RORB: variants seen among roughly 807,000 people sequenced by gnomAD.
RORB encodes RAR related orphan receptor B.
Under a neutral mutation model 59.1 loss-of-function variants are expected in RORB, and 6 were observed. The ratio of observed to expected loss-of-function variants is 0.10; its 90% confidence interval spans 0.06 to 0.20. RORB has a LOEUF of 0.20. Ranked by LOEUF, RORB falls within the 10% of genes least tolerant of loss-of-function variation. The probability of loss-of-function intolerance (pLI) is 1.00; values close to 1 mark genes in which losing one functional copy is unlikely to be tolerated. For synonymous variants in RORB, 215 were observed against 204.5 expected, an observed-to-expected ratio of 1.05 and a Z score of -0.44; for missense variants, 320 against 560.5, an observed-to-expected ratio of 0.57 and a Z score of 4.33.
intron 1 of RORB, among the ~76,000 whole-genome samples, chr9:74,589,969 C>T (rs1278864986): frequency 6.6e-6 from 1 of 152,186 alleles, no homozygotes; most frequent in African/African-American, 2.4e-5. Flanking sequence ...AATCAAATTC[C>T]ACCTCCTCCA....
At chr9:74,642,265 A>G (rs1823820400) in intron 3 of RORB, 149 bp from the exon 4 acceptor site, 1 of 720,432 alleles carries the variant, frequency 1.4e-6, no homozygotes, top group Non-Finnish European at 2.3e-6. Context: ...CCAGATGTGG[A>G]GTGCAAATGA....
intron 1 of RORB, among the ~76,000 whole-genome samples, chr9:74,590,141 G>T (rs1432534285): frequency 6.6e-6 from 1 of 151,852 alleles, no homozygotes; most frequent in Non-Finnish European, 1.5e-5. Flanking sequence ...AGTAGTAACA[G>T]TAGTAGTAGT....
intron 9 of RORB, among the ~76,000 whole-genome samples, 176 bp from the exon 10 acceptor site, chr9:74,685,287 T>G (rs571344438): frequency 2.2e-5 from 3 of 138,136 alleles, no homozygotes; most frequent in Non-Finnish European, 4.7e-5. Flanking sequence ...CGGGGGTGGG[T>G]ACGTTTTATT....
At chr9:74,513,447 A>G (rs2118046290) in intron 1 of RORB, among the ~76,000 whole-genome samples, 1 of 152,244 alleles carries the variant, frequency 6.6e-6, no homozygotes, top group East Asian at 1.9e-4. Flanking sequence ...CCAACCTAAT[A>G]AATATAACAT....
chr9:74,547,009 T>C (rs1826507916), intron 1 of RORB, among the ~76,000 whole-genome samples: 1 of 151,904 alleles, frequency 6.6e-6, no homozygotes, highest in Non-Finnish European at 1.5e-5. Flanking sequence ...CAGGAGAATC[T>C]CTTGAACTCA....
intron 9 of RORB, among the ~76,000 whole-genome samples, chr9:74,675,887 G>A (rs986945688): frequency 6.6e-6 from 1 of 152,206 alleles, no homozygotes; most frequent in African/African-American, 2.4e-5. Flanking sequence ...GACCACTGCC[G>A]AGGTTAGAGA....
At chr9:74,640,433 C>CTG (rs71368671) in intron 3 of RORB, among the ~76,000 whole-genome samples, 58,772 of 148,128 alleles carry the variant, frequency 0.4, 12,154 homozygotes, top group East Asian at 0.72. Flanking sequence ...TCGGCTAATT[C>CTG]TGTGTGTGTG....
chr9:74,567,867 C>A (rs1822492173), intron 1 of RORB, among the ~76,000 whole-genome samples: 1 of 152,164 alleles, frequency 6.6e-6, no homozygotes, highest in Admixed American at 6.5e-5. Context: ...TGAAAGAAAA[C>A]ACATTTTGAC....
chr9:74,581,897 A>G (rs868183743), intron 1 of RORB, among the ~76,000 whole-genome samples: 18 of 152,300 alleles, frequency 1.2e-4, no homozygotes, highest in Middle Eastern at 3.4e-3. Flanking sequence ...TGTGCTTTAT[A>G]CATGTGTAGA....
At chr9:74,505,958 A>G (rs1364357791) in intron 1 of RORB, among the ~76,000 whole-genome samples, 1 of 151,730 alleles carries the variant, frequency 6.6e-6, no homozygotes, top group Non-Finnish European at 1.5e-5. Flanking sequence ...TGTAAGGAAG[A>G]GGGTACAGCT....
chr9:74,581,482 A>G (rs1463545115), intron 1 of RORB, among the ~76,000 whole-genome samples: 1 of 152,182 alleles, frequency 6.6e-6, no homozygotes, highest in East Asian at 1.9e-4. Context: ...TCTTCTATTA[A>G]CAAGTGAGGT....
intron 4 of RORB, among the ~76,000 whole-genome samples, chr9:74,658,024 A>AG (rs1246164552): frequency 3.9e-5 from 5 of 129,438 alleles, no homozygotes; most frequent in African/African-American, 8.0e-5. Flanking sequence ...AAAAAAAAAA[A>AG]AAAAGAAAAG....
At chr9:74,677,143 G>A (rs893038180) in intron 9 of RORB, among the ~76,000 whole-genome samples, 1 of 152,138 alleles carries the variant, frequency 6.6e-6, no homozygotes, top group Non-Finnish European at 1.5e-5. Context: ...TACAGGCTAC[G>A]ACATAGAGAG....
At chr9:74,538,453 T>C (rs1340490713) in intron 1 of RORB, among the ~76,000 whole-genome samples, 1 of 152,094 alleles carries the variant, frequency 6.6e-6, no homozygotes, top group African/African-American at 2.4e-5. Context: ...AACTTTAGGA[T>C]TTGAAAAGCA....
intron 6 of RORB, among the ~76,000 whole-genome samples, chr9:74,664,016 A>G (rs1443874112): frequency 1.3e-5 from 2 of 152,200 alleles, no homozygotes; most frequent in Non-Finnish European, 2.9e-5. Flanking sequence ...CATGGATTCT[A>G]CTACTTAATA....
At chr9:74,596,187 T>C (rs928691087) in intron 1 of RORB, among the ~76,000 whole-genome samples, 8 of 152,208 alleles carry the variant, frequency 5.3e-5, no homozygotes, top group Non-Finnish European at 1.2e-4. Context: ...TGAAAACACC[T>C]GTACTTTAGA....
chr9:74,580,894 A>T (rs1411668319), intron 1 of RORB, among the ~76,000 whole-genome samples: 1 of 152,134 alleles, frequency 6.6e-6, no homozygotes, highest in African/African-American at 2.4e-5. Flanking sequence ...TCCACAAATA[A>T]ATAAGGGGAA....
chr9:74,502,914 A>G (rs1179391204), intron 1 of RORB, among the ~76,000 whole-genome samples: 2 of 152,042 alleles, frequency 1.3e-5, no homozygotes, highest in Non-Finnish European at 2.9e-5. Flanking sequence ...ATTTCTTAAG[A>G]CTAAACTACT....
chr9:74,641,456 A>C (rs1823803562), intron 3 of RORB, among the ~76,000 whole-genome samples: 1 of 152,132 alleles, frequency 6.6e-6, no homozygotes, highest in Non-Finnish European at 1.5e-5. Context: ...TGTTTTGGTC[A>C]CTTGCTAGGC....
Sources: gnomAD v4.1 joint callset for allele counts (sites outside exome capture counted in the v4.1 genomes callset) on GRCh38, gnomAD v4.1.1 for gene constraint, MANE v1.5 for transcripts, NCBI Gene and HGNC (gene_info 2026-07-23, HGNC 2026-07-21) for gene names.